The following CSMD1 variants were observed in gnomAD, a reference collection of about 807,000 sequenced individuals.
CSMD1 encodes CUB and Sushi multiple domains 1, also known as CUB and sushi domain-containing protein 1.
In CSMD1, 213 loss-of-function variants were observed where a neutral mutation model predicts 417.5. That is an observed-to-expected ratio of 0.51 (90% CI 0.46 to 0.57). CSMD1 has a LOEUF of 0.57. Among genes scored for constraint, CSMD1 ranks in the 20% least tolerant of loss-of-function variants. CSMD1 has a pLI of 0.00. For missense variants in CSMD1, 6,923 were observed against 4,529.7 expected (o/e 1.53, Z -15.17); for synonymous variants, 2,862 against 1,736.8 (o/e 1.65, Z -16.11).
intron 1 of CSMD1, among the ~76,000 whole-genome samples, chr8:4,683,128 T>A (rs1385630543): frequency 6.6e-6 from 1 of 151,650 alleles, no homozygotes; most frequent in East Asian, 1.9e-4. Flanking sequence ...ATGTAACTTA[T>A]GAATTAGTAT....
chr8:3,039,326 C>T (rs111708576), intron 50 of CSMD1, among the ~76,000 whole-genome samples: 1,558 of 150,440 alleles, frequency 0.01, 31 homozygotes, highest in African/African-American at 0.036. Flanking sequence ...TCCTTCTTTT[C>T]CTTTCTTTCT....
chr8:4,179,649 G>C (rs952745889), intron 3 of CSMD1, among the ~76,000 whole-genome samples: 12 of 152,030 alleles, frequency 7.9e-5, no homozygotes, highest in African/African-American at 1.9e-4. Context: ...GCAACCTACA[G>C]AATGGGAGGA....
intron 1 of CSMD1, among the ~76,000 whole-genome samples, chr8:4,784,720 T>G (rs899986011): frequency 6.6e-6 from 1 of 152,192 alleles, no homozygotes; most frequent in African/African-American, 2.4e-5. Flanking sequence ...TGTATTGGAA[T>G]GTTAATAAGA....
intron 3 of CSMD1, among the ~76,000 whole-genome samples, chr8:4,281,659 T>C (rs1796791806): frequency 6.6e-6 from 1 of 152,222 alleles, no homozygotes; most frequent in South Asian, 2.1e-4. Context: ...TGACATATAA[T>C]TCTATATAGT....
intron 5 of CSMD1, among the ~76,000 whole-genome samples, chr8:3,799,696 A>T (rs1323079522): frequency 6.6e-6 from 1 of 151,280 alleles, no homozygotes; most frequent in Non-Finnish European, 1.5e-5. Context: ...CTGACAGTTA[A>T]GTCTGCCAGC....
At chr8:3,499,072 C>A (rs1428496283) in intron 10 of CSMD1, among the ~76,000 whole-genome samples, 1 of 152,072 alleles carries the variant, frequency 6.6e-6, no homozygotes, top group Non-Finnish European at 1.5e-5. Context: ...TTAGACATTT[C>A]TTGTGTTCCT....
intron 31 of CSMD1, among the ~76,000 whole-genome samples, chr8:3,204,207 T>C (rs1441514679): frequency 6.6e-6 from 1 of 152,184 alleles, no homozygotes; most frequent in Non-Finnish European, 1.5e-5. Flanking sequence ...TTATAAACGA[T>C]ATTTAGGATA....
chr8:3,166,210 G>C (rs1005638139), intron 37 of CSMD1, among the ~76,000 whole-genome samples: 2 of 151,940 alleles, frequency 1.3e-5, no homozygotes, highest in Non-Finnish European at 2.9e-5. Flanking sequence ...ATTTTAAAAA[G>C]AATTATGTAT....
At chr8:4,694,293 C>G (rs1051485826) in intron 1 of CSMD1, among the ~76,000 whole-genome samples, 1 of 152,170 alleles carries the variant, frequency 6.6e-6, no homozygotes, top group South Asian at 2.1e-4. Flanking sequence ...AGCCCCCTCC[C>G]TGCTTGAAGT....
rs756259161 is a variant in CSMD1 at position 4,583,255 on chromosome 8, G to C, written c.302+54087C>G. 5.9e-5 allele frequency among the ~76,000 whole-genome samples: 9 copies of C among 152,208 alleles called. No individual in the cohort carries two copies. The South Asian group carries it at 1.0e-3, about 18-fold the overall frequency. ...CTGGCAGGCAGCTCCACCTGCAGCC[G>C]TGGTGCGGGACCCACCGAGTGAAGC... On this transcript the variant is annotated intron_variant, in intron 2 of 69. Coordinates refer to ENST00000635120, the MANE Select transcript of CSMD1 (RefSeq NM_033225.6).
At chr8:3,298,807 G>A (rs1046507729) in intron 25 of CSMD1, among the ~76,000 whole-genome samples, 8 of 152,154 alleles carry the variant, frequency 5.3e-5, no homozygotes, top group African/African-American at 1.9e-4. Flanking sequence ...AGTCTTAATA[G>A]TGATTGTCCT....
intron 3 of CSMD1, among the ~76,000 whole-genome samples, chr8:4,244,612 G>C (rs1802591948): frequency 6.6e-6 from 1 of 151,440 alleles, no homozygotes; most frequent in African/African-American, 2.4e-5. Context: ...CAGAAAAACA[G>C]TGCACTGAAC....
At chr8:3,991,058 T>C (rs75736364) in intron 5 of CSMD1, among the ~76,000 whole-genome samples, 7,510 of 152,290 alleles carry the variant, frequency 0.049, 251 homozygotes, top group East Asian at 0.12. Context: ...GGCTGCAGCA[T>C]CTTTCCCAGA....
chr8:3,950,938 C>G (rs538892728), intron 5 of CSMD1, among the ~76,000 whole-genome samples: 1 of 152,030 alleles, frequency 6.6e-6, no homozygotes, highest in Admixed American at 6.6e-5. Context: ...AAGCCCTGAA[C>G]AGACAAGAAG....
intron 3 of CSMD1, among the ~76,000 whole-genome samples, chr8:4,173,828 C>G (rs1289439487): frequency 6.6e-6 from 1 of 152,094 alleles, no homozygotes; most frequent in East Asian, 1.9e-4. Context: ...TCTGATCAGG[C>G]TTCTCAGTTC....
intron 21 of CSMD1, among the ~76,000 whole-genome samples, chr8:3,349,883 AT>A (rs1808285137): frequency 6.9e-5 from 1 of 14,418 alleles, no homozygotes; most frequent in Middle Eastern, 0.25. Context: ...TTATATCTAT[AT>A]ATATATTTAT....
At chr8:4,328,671 G>A (rs1799694541) in intron 3 of CSMD1, among the ~76,000 whole-genome samples, 2 of 152,118 alleles carry the variant, frequency 1.3e-5, no homozygotes, top group South Asian at 4.1e-4. Flanking sequence ...TGAAAGGCAT[G>A]TCTACATATT....
chr8:4,082,652 T>G (rs2552147), intron 3 of CSMD1, among the ~76,000 whole-genome samples: 1,865 of 152,182 alleles, frequency 0.012, 37 homozygotes, highest in African/African-American at 0.041. Context: ...TTAGGGTACA[T>G]GTGCACAATG....
At chr8:4,359,833 G>A (rs1584954204) in intron 3 of CSMD1, among the ~76,000 whole-genome samples, 1 of 152,210 alleles carries the variant, frequency 6.6e-6, no homozygotes, top group South Asian at 2.1e-4. Flanking sequence ...CTCTCCTACT[G>A]TCGGAAGCAA....
Sources: gnomAD v4.1 joint callset for allele counts (sites outside exome capture counted in the v4.1 genomes callset) on GRCh38, gnomAD v4.1.1 for gene constraint, MANE v1.5 for transcripts, NCBI Gene and HGNC (gene_info 2026-07-23, HGNC 2026-07-21) for gene names.